Variants in CFAP77 observed in about 807,000 individuals in gnomAD.
The protein encoded by CFAP77 is cilia and flagella associated protein 77.
A neutral mutation model predicts 31.1 loss-of-function variants in CFAP77; 25 were observed. The ratio of observed to expected loss-of-function variants is 0.80; its 90% confidence interval spans 0.59 to 1.12. The LOEUF is 1.12. Among genes scored for constraint, CFAP77 ranks in the 50% most tolerant of loss-of-function variants. The pLI is 0.00. For missense variants in CFAP77, 377 were observed against 397.3 expected (o/e 0.95, Z 0.44); for synonymous variants, 151 against 159.9 (o/e 0.94, Z 0.42).
At position 132,538,399 on chromosome 9, in the gene CFAP77, T is replaced by A. The variant is rs145728903; in HGVS notation, c.630+693T>A. 4.8e-3 allele frequency among the ~76,000 whole-genome samples: 730 copies of A among 151,946 alleles called. 5 individuals carry two copies. Among genetic ancestry groups the A allele is most frequent in the African/African-American group, 0.016 (659 of 41,426 alleles). Reference sequence around the variant, plus strand: ...CACTGCCGATTGCTGGTGATAGGAGTCCCTAGCAACAAGCAGGACGTCAGG... The same window carrying A: ...CACTGCCGATTGCTGGTGATAGGAGACCCTAGCAACAAGCAGGACGTCAGG... On this transcript the variant is annotated intron_variant, in intron 4 of 5. Coordinates refer to ENST00000393216, the MANE Select transcript of CFAP77 (RefSeq NM_001282957.2).
chr9:132,448,095 T>C (rs1024388008), intron 1 of CFAP77, among the ~76,000 whole-genome samples: 3 of 152,012 alleles, frequency 2.0e-5, no homozygotes, highest in Non-Finnish European at 4.4e-5. Context: ...TGAGGACTAA[T>C]TTAGCTTTTT....
chr9:132,425,562 G>A (rs1234846442), intron 1 of CFAP77, among the ~76,000 whole-genome samples: 1 of 152,124 alleles, frequency 6.6e-6, no homozygotes, highest in African/African-American at 2.4e-5. Flanking sequence ...GGTGCAGTCT[G>A]GGTTTCTTGC....
chr9:132,513,421 G>A (rs1413961038), intron 3 of CFAP77: 3 of 1,476,208 alleles, frequency 2.0e-6, no homozygotes, highest in Non-Finnish European at 2.7e-6. Context: ...AGGCCCCTGT[G>A]CACACCTTCC....
intron 1 of CFAP77, among the ~76,000 whole-genome samples, chr9:132,484,543 T>A (rs1419578282): frequency 6.6e-6 from 1 of 152,204 alleles, no homozygotes; most frequent in Non-Finnish European, 1.5e-5. Context: ...TCAGGATCCA[T>A]CCACATTGTA....
intron 5 of CFAP77, 99 bp from the exon 6 acceptor site, chr9:132,572,289 T>C (rs1829968235): frequency 5.1e-6 from 7 of 1,381,058 alleles, no homozygotes; most frequent in Non-Finnish European, 6.9e-6. Context: ...ATTTTTATCA[T>C]TATTCTAAGA....
chr9:132,501,170 G>A lies in CFAP77; in HGVS notation c.524+1570G>A, dbSNP rs1851833828. 1.3e-5 allele frequency among the ~76,000 whole-genome samples: 2 copies of A among 152,330 alleles called. No homozygotes were observed. The highest frequency in any genetic ancestry group is 4.1e-4 in the South Asian group (2 of 4,830). ...TTGGAAAGTGCAGGGACAGCTTCAG[G>A]CATAGCAGGATCTAGGCAGTCAGGC... is the stretch of plus-strand genomic sequence containing the variant. On this transcript the variant is annotated intron_variant, in intron 3 of 5. Transcript: ENST00000393216. The surrounding 1 kb of genome is among the most constrained non-coding windows in gnomAD (Gnocchi z 4.6).
chr9:132,546,768 C>A (rs1852738644), intron 5 of CFAP77, among the ~76,000 whole-genome samples: 1 of 152,210 alleles, frequency 6.6e-6, no homozygotes, highest in South Asian at 2.1e-4. Flanking sequence ...TGGCTGGGGC[C>A]CAGAAGGGGG....
chr9:132,445,319 C>T (rs186782402), intron 1 of CFAP77, among the ~76,000 whole-genome samples: 276 of 152,276 alleles, frequency 1.8e-3, no homozygotes, highest in Non-Finnish European at 3.5e-3. Flanking sequence ...ACTCTAAGTA[C>T]ATCATAAAAG....
Position 132,564,719 on chromosome 9 carries a change from T to C in CFAP77, c.733-7669T>C, listed in dbSNP as rs1829863782. 6.6e-6 allele frequency among the ~76,000 whole-genome samples: 1 copy of C among 152,148 alleles called. No individual in the cohort carries two copies. Among genetic ancestry groups the C allele is most frequent in the Non-Finnish European group, 1.5e-5 (1 of 68,020 alleles). The stretch of plus-strand genomic sequence containing the variant: ...AGAAAAAGAACAACAGAGTAAACAT[T>C]AGTGAAATGTCAAAGGTACAATTAA... On this transcript the variant is annotated intron_variant, in intron 5 of 5. Transcript: ENST00000393216. This position sits in a 1 kb window ranked among gnomAD's most constrained non-coding sequence, Gnocchi z 4.6.
Position 132,424,085 on chromosome 9 carries a change from T to C in CFAP77, c.195+13619T>C, listed in dbSNP as rs1850273702. Among the ~76,000 whole-genome samples the C allele has an allele frequency of 6.6e-6, 1 of 152,082 alleles. No individual in the cohort carries two copies. The highest frequency in any genetic ancestry group is 2.4e-5 in the African/African-American group (1 of 41,404). On this transcript the variant is annotated intron_variant, in intron 1 of 5. Transcript: ENST00000393216. This position sits in a 1 kb window ranked among gnomAD's most constrained non-coding sequence, Gnocchi z 4.1. ...GTTGACTGCACAAGGCTGAAACCAA[T>C]GCAGCCAAGACATCCATGGCTGTTA...
chr9:132,499,369 C>G lies in CFAP77; in HGVS notation c.296-3C>G. ...TGCCCCGTGGGTCTCTCCCTGCCCTCAGCCATCGGACGCTGGAACGTGTTC... is the reference window on the plus strand; with the variant it reads ...TGCCCCGTGGGTCTCTCCCTGCCCTGAGCCATCGGACGCTGGAACGTGTTC... On this transcript the variant is annotated splice_region_variant and splice_polypyrimidine_tract_variant and intron_variant, in intron 2 of 5. Coordinates refer to ENST00000393216, the MANE Select transcript of CFAP77 (RefSeq NM_001282957.2). This position sits in a 1 kb window ranked among gnomAD's most constrained non-coding sequence, Gnocchi z 5.4. The G allele has an allele frequency of 6.2e-7, 1 of 1,613,804 alleles. No individual in the cohort carries two copies. Among genetic ancestry groups the G allele is most frequent in the South Asian group, 1.1e-5 (1 of 91,056 alleles).
intron 3 of CFAP77, among the ~76,000 whole-genome samples, chr9:132,529,839 A>G (rs11243815): frequency 6.9e-6 from 1 of 145,114 alleles, no homozygotes; most frequent in Non-Finnish European, 1.5e-5. Context: ...AAAAAAAAAG[A>G]AAAGAAAAGA....
intron 3 of CFAP77, among the ~76,000 whole-genome samples, chr9:132,520,720 G>A (rs1852250091): frequency 6.6e-6 from 1 of 152,164 alleles, no homozygotes; most frequent in African/African-American, 2.4e-5. Context: ...GCCTCCAGGA[G>A]GATCCCCAGC....
chr9:132,541,387 G>A (rs1011717768), intron 4 of CFAP77, among the ~76,000 whole-genome samples: 1 of 152,184 alleles, frequency 6.6e-6, no homozygotes, highest in Non-Finnish European at 1.5e-5. Flanking sequence ...CATAACCCCC[G>A]ACTAGACAGC....
chr9:132,445,061 C>T (rs1278087634), intron 1 of CFAP77, among the ~76,000 whole-genome samples: 1 of 151,894 alleles, frequency 6.6e-6, no homozygotes, highest in Admixed American at 6.6e-5. Context: ...GCAACCTCCG[C>T]CTCCTGGGTT....
At position 132,451,706 on chromosome 9, in the gene CFAP77, A is replaced by G. The variant is rs116775556; in HGVS notation, c.195+41240A>G. Among the ~76,000 whole-genome samples the G allele has an allele frequency of 4.0e-3, 605 of 151,820 alleles. 3 individuals are homozygous for G. The highest frequency in any genetic ancestry group is 0.014 in the African/African-American group (559 of 41,370). On this transcript the variant is annotated intron_variant, in intron 1 of 5. Transcript: ENST00000393216. ...CCATCACTGTTTGCTACCCGAGCCA[A>G]TCCTGGTTGCCTTCATTATGGCATC...
At chr9:132,571,213 T>G (rs1201351888) in intron 5 of CFAP77, among the ~76,000 whole-genome samples, 1 of 152,148 alleles carries the variant, frequency 6.6e-6, no homozygotes, top group Non-Finnish European at 1.5e-5. Flanking sequence ...CTGCAGAGCC[T>G]TTGGCTGCTC....
Position 132,517,281 on chromosome 9 carries a change from G to A in CFAP77, c.524+17681G>A, listed in dbSNP as rs1852165419. Among the ~76,000 whole-genome samples, 1 of 152,198 alleles carries A rather than the reference G, an allele frequency of 6.6e-6. No homozygotes were observed. Among genetic ancestry groups the A allele is most frequent in the Non-Finnish European group, 1.5e-5 (1 of 68,036 alleles). On this transcript the variant is annotated intron_variant, in intron 3 of 5. Coordinates refer to ENST00000393216, the MANE Select transcript of CFAP77 (RefSeq NM_001282957.2). The surrounding 1 kb of genome is among the most constrained non-coding windows in gnomAD (Gnocchi z 4.7). Reference sequence around the variant, plus strand: ...GTGCCAGCAACTCCCCGGCCCCCGGGAGCAGCAGACTGCTGGCATATTAGA... The same window carrying A: ...GTGCCAGCAACTCCCCGGCCCCCGGAAGCAGCAGACTGCTGGCATATTAGA...
chr9:132,566,269 C>T (rs889003513), intron 5 of CFAP77, among the ~76,000 whole-genome samples: 44 of 152,254 alleles, frequency 2.9e-4, no homozygotes, highest in African/African-American at 9.9e-4. Flanking sequence ...CAATGGAGCT[C>T]GTGACGAAGG....
Sources: gnomAD v4.1 joint callset for allele counts (sites outside exome capture counted in the v4.1 genomes callset) on GRCh38, gnomAD v4.1.1 for gene constraint, Gnocchi (gnomAD v3.1) non-coding constraint, MANE v1.5 for transcripts, NCBI Gene and HGNC (gene_info 2026-07-23, HGNC 2026-07-21) for gene names.